LARP7: variants seen among roughly 807,000 people sequenced by gnomAD.
LARP7 encodes the protein La ribonucleoprotein 7, transcriptional regulator.
A neutral mutation model predicts 69.3 loss-of-function variants in LARP7; 52 were observed. The ratio of observed to expected loss-of-function variants is 0.75; its 90% CI spans 0.60 to 0.95. LARP7 has a LOEUF of 0.95. Among genes scored for constraint, LARP7 ranks in the 40% least tolerant of loss-of-function variants. The probability of loss-of-function intolerance (pLI) is 0.00; values close to 1 mark genes in which losing one functional copy is unlikely to be tolerated. For missense variants in LARP7, 733 were observed against 673.0 expected, an observed-to-expected ratio of 1.09 and a Z score of -0.99; for synonymous variants, 254 against 215.9, an observed-to-expected ratio of 1.18 and a Z score of -1.55.
chr4:112,652,999 C>A, intron 10 of LARP7, 78 bp from the exon 11 acceptor site: 1 of 1,100,674 alleles, frequency 9.1e-7, no homozygotes, highest in Non-Finnish European at 1.3e-6. Context: ...TATATTCTGG[C>A]ATAACCATTG....
chr4:112,641,563 T>C (rs2047967508), intron 1 of LARP7, among the ~76,000 whole-genome samples: 2 of 152,224 alleles, frequency 1.3e-5, no homozygotes, highest in African/African-American at 2.4e-5. Flanking sequence ...AGTAGTAGCT[T>C]GGACCAGGTG....
chr4:112,649,463 G>A, intron 8 of LARP7, 72 bp from the exon 9 acceptor site: 4 of 1,251,864 alleles, frequency 3.2e-6, no homozygotes, highest in South Asian at 1.5e-5. Context: ...CATTGTGAAT[G>A]TATATATTTA....
intron 2 of LARP7, among the ~76,000 whole-genome samples, chr4:112,646,004 TG>T (rs956722283): frequency 5.9e-5 from 8 of 135,554 alleles, no homozygotes; most frequent in East Asian, 2.9e-4. Context: ...AGTTTTTTTT[TG>T]TTTGTTTTGT....
intron 11 of LARP7, 87 bp downstream of exon 11, chr4:112,653,323 T>G: frequency 5.6e-6 from 3 of 535,728 alleles, no homozygotes; most frequent in Non-Finnish European, 8.0e-6. Flanking sequence ...ATGAAACTAG[T>G]TTTTTTTTTT....
chr4:112,646,664 T>C lies in LARP7; in HGVS notation c.380T>C (p.Val127Ala), dbSNP rs779393676. ...ERPKDEDERTVYVELLPKNVN... is the reference protein window; with the variant it reads ...ERPKDEDERTAYVELLPKNVN... Reference sequence around the variant, plus strand: ...CCAAAGGATGAGGATGAACGCACAGTGTATGTGGTAAGCTTAAGAACCCGG... The same window carrying C: ...CCAAAGGATGAGGATGAACGCACAGCGTATGTGGTAAGCTTAAGAACCCGG... Residue 127 changes from valine (V) to alanine (A), a missense_variant, in exon 4 of 13, where the codon GTG (valine) becomes GCG (alanine). By Grantham distance (64) the Val-to-Ala change is moderately conservative. Transcript: ENST00000344442. 2.5e-6 allele frequency: 4 copies of C among 1,601,172 alleles called. No individual in the cohort carries two copies. The highest frequency in any genetic ancestry group is 3.4e-6 in the Non-Finnish European group (4 of 1,174,794).
chr4:112,646,277 G>A, intron 2 of LARP7, 74 bp from the exon 3 acceptor site: 1 of 733,268 alleles, frequency 1.4e-6, no homozygotes, highest in Middle Eastern at 4.3e-4. Context: ...AGGGCCTGAG[G>A]GGCAGGTTAA....
At chr4:112,638,113 T>A (rs62317769) in intron 1 of LARP7, 1 of 151,974 alleles carries the variant, frequency 6.6e-6, no homozygotes, top group Non-Finnish European at 1.5e-5. Flanking sequence ...CTGGCCAATA[T>A]GGCAAAATCT....
At chr4:112,644,391 T>C in intron 1 of LARP7, 1 of 702,282 alleles carries the variant, frequency 1.4e-6, no homozygotes, top group Non-Finnish European at 2.0e-6. Context: ...TGCAGCTTAG[T>C]GAGATAAAGG....
At chr4:112,638,622 G>C (rs775381042) in intron 1 of LARP7, among the ~76,000 whole-genome samples, 2 of 152,142 alleles carry the variant, frequency 1.3e-5, no homozygotes, top group Non-Finnish European at 2.9e-5. Flanking sequence ...TTACAGTCAA[G>C]CACCACATAC....
chr4:112,641,393 A>G (rs1183541423), intron 1 of LARP7, among the ~76,000 whole-genome samples: 1 of 148,582 alleles, frequency 6.7e-6, no homozygotes, highest in Non-Finnish European at 1.5e-5. Context: ...GTCTCAGGGA[A>G]AAAAAAAAAA....
At chr4:112,642,821 A>G (rs762566961) in intron 1 of LARP7, among the ~76,000 whole-genome samples, 5 of 152,232 alleles carry the variant, frequency 3.3e-5, no homozygotes, top group Non-Finnish European at 5.9e-5. Context: ...TTGCCTATCA[A>G]TCTGTTGTTC....
chr4:112,651,606 T>C (rs888400746), intron 10 of LARP7, among the ~76,000 whole-genome samples: 1 of 145,722 alleles, frequency 6.9e-6, no homozygotes, highest in African/African-American at 2.8e-5. Context: ...TACAAATTCA[T>C]CATTTATGAT....
chr4:112,648,078 C>G, intron 8 of LARP7: 1 of 614,576 alleles, frequency 1.6e-6, no homozygotes, highest in Non-Finnish European at 3.2e-6. Context: ...GAGGGGGCCC[C>G]TTAACAGATG....
intron 1 of LARP7, among the ~76,000 whole-genome samples, chr4:112,639,871 A>G (rs2047891474): frequency 6.6e-6 from 1 of 152,122 alleles, no homozygotes; most frequent in Non-Finnish European, 1.5e-5. Context: ...AATAATTTAT[A>G]ATTATAGATT....
At chr4:112,647,582 A>C (rs745982052) in intron 7 of LARP7, 33 bp downstream of exon 7, 1 of 1,469,160 alleles carries the variant, frequency 6.8e-7, no homozygotes, top group South Asian at 1.4e-5. Context: ...AGATAAAACT[A>C]ATTAATTTTA....
chr4:112,637,714 G>A (rs2047737072), intron 1 of LARP7: 1 of 152,282 alleles, frequency 6.6e-6, no homozygotes. Flanking sequence ...TAGATATGGT[G>A]TGCAGAGTGC....
At position 112,646,317 on chromosome 4, in the gene LARP7, T is replaced by A. The variant is rs776493448; in HGVS notation, c.203-34T>A. ...TACCAAATTGAATTAATCCTGCTGA[T>A]ACACTAACATATTAACTTTTTCATT... is the stretch of plus-strand genomic sequence containing the variant. On this transcript the variant is annotated intron_variant, in intron 2 of 12. Transcript: ENST00000344442. 2.8e-6 allele frequency: 3 copies of A among 1,064,510 alleles called. No homozygotes were observed. The African/African-American group carries it at 4.8e-5, about 17-fold the overall frequency. The allele number at this position is 1,064,510 out of a possible 1,614,324, so 65.9% of individuals were successfully genotyped here. A position where few individuals can be genotyped will look rare whatever the true frequency, so the allele number is the denominator to read the frequency against.
At chr4:112,657,192 G>GTA in intron 12 of LARP7, 55 bp from the exon 13 acceptor site, 1 of 814,860 alleles carries the variant, frequency 1.2e-6, no homozygotes, top group Non-Finnish European at 1.9e-6. Context: ...GTGTGTGTGT[G>GTA]TGTGTGTGTT....
chr4:112,649,689 A>G lies in LARP7; in HGVS notation c.1294+3A>G, dbSNP rs1161059919. On this transcript the variant is annotated splice_donor_region_variant and intron_variant, in intron 9 of 12. Coordinates refer to ENST00000344442, the MANE Select transcript of LARP7 (RefSeq NM_016648.4). ...CACTGGAATGAAAAATGAAAAAAGT[A>G]AAGATCACTGATAGTTTTGACAACA... The G allele has an allele frequency of 6.3e-7, 1 of 1,582,456 alleles. No homozygotes were observed. Among genetic ancestry groups the G allele is most frequent in the East Asian group, 2.3e-5 (1 of 44,210 alleles).
Sources: allele counts gnomAD v4.1 joint callset (sites outside exome capture counted in the v4.1 genomes callset), GRCh38; gene constraint gnomAD v4.1.1; transcripts MANE v1.5; gene names NCBI Gene and HGNC (gene_info 2026-07-23, HGNC 2026-07-21).